PTPRK: variants seen among roughly 807,000 people sequenced by gnomAD.
PTPRK encodes protein tyrosine phosphatase receptor type K.
A neutral mutation model predicts 178.0 loss-of-function variants in PTPRK; 75 were observed. That is an observed-to-expected ratio of 0.42 (90% CI 0.35 to 0.51). The LOEUF (loss-of-function observed/expected upper bound fraction) is 0.51, where lower values mean the gene tolerates loss of function less well. Among genes scored for constraint, PTPRK ranks in the 20% least tolerant of loss-of-function variants. The pLI is 0.02. For synonymous variants in PTPRK, 637 were observed against 620.6 expected (o/e 1.03, Z -0.39); for missense variants, 1,441 against 1,797.8 (o/e 0.80, Z 3.59).
At chr6:128,042,771 C>T (rs1562483850) in intron 13 of PTPRK, among the ~76,000 whole-genome samples, 1 of 151,948 alleles carries the variant, frequency 6.6e-6, no homozygotes, top group Non-Finnish European at 1.5e-5. Context: ...AGGCCCCAAC[C>T]AAGAATTATC....
At chr6:128,435,553 G>A (rs184946978) in intron 1 of PTPRK, among the ~76,000 whole-genome samples, 3 of 152,234 alleles carry the variant, frequency 2.0e-5, no homozygotes, top group East Asian at 1.9e-4. Flanking sequence ...ACCAAGAGTC[G>A]CACAGAACAA....
chr6:128,220,407 C>T (rs1260616779), intron 5 of PTPRK, among the ~76,000 whole-genome samples: 3 of 152,182 alleles, frequency 2.0e-5, no homozygotes, highest in East Asian at 3.8e-4. Flanking sequence ...AGAAAACCCA[C>T]AACGCTGAGA....
At chr6:128,207,692 C>T (rs1273116350) in intron 6 of PTPRK, among the ~76,000 whole-genome samples, 1 of 152,040 alleles carries the variant, frequency 6.6e-6, no homozygotes, top group Non-Finnish European at 1.5e-5. Flanking sequence ...CTTAAGGTAT[C>T]TAATATGTTG....
At chr6:128,277,364 A>G (rs190103507) in intron 3 of PTPRK, among the ~76,000 whole-genome samples, 7 of 152,306 alleles carry the variant, frequency 4.6e-5, no homozygotes, top group Admixed American at 4.6e-4. Context: ...TGTTAGATTG[A>G]GATAAAATAC....
chr6:128,327,429 G>A (rs143597729), intron 2 of PTPRK, among the ~76,000 whole-genome samples: 5 of 152,204 alleles, frequency 3.3e-5, no homozygotes, highest in African/African-American at 1.2e-4. Context: ...AACTTTCCAT[G>A]ATCTTATCCC....
chr6:128,308,394 G>T (rs1339752818), intron 3 of PTPRK, among the ~76,000 whole-genome samples: 2 of 151,450 alleles, frequency 1.3e-5, no homozygotes, highest in Admixed American at 1.3e-4. Flanking sequence ...TTCCTGATTA[G>T]TCATGTATAA....
chr6:128,440,391 C>T (rs1045174281), intron 1 of PTPRK, among the ~76,000 whole-genome samples: 1 of 152,158 alleles, frequency 6.6e-6, no homozygotes, highest in Admixed American at 6.6e-5. Context: ...AAAACTCTTT[C>T]CCCCGATTTC....
At chr6:128,226,779 T>TATAC (rs1445573655) in intron 5 of PTPRK, among the ~76,000 whole-genome samples, 1 of 140,612 alleles carries the variant, frequency 7.1e-6, no homozygotes, top group Non-Finnish European at 1.5e-5. Context: ...TATATATATA[T>TATAC]ATATATATAT....
chr6:128,171,002 C>T (rs967656519), intron 7 of PTPRK, among the ~76,000 whole-genome samples: 19 of 151,822 alleles, frequency 1.3e-4, no homozygotes, highest in African/African-American at 4.1e-4. Flanking sequence ...TTACACATTT[C>T]CATGAAAAGC....
chr6:128,198,884 T>A (rs1296967938), intron 6 of PTPRK, among the ~76,000 whole-genome samples: 2 of 152,220 alleles, frequency 1.3e-5, no homozygotes, highest in Non-Finnish European at 2.9e-5. Flanking sequence ...CATTTATGTC[T>A]TCAGTGCAAT....
intron 13 of PTPRK, among the ~76,000 whole-genome samples, chr6:128,021,276 C>A (rs1484186243): frequency 2.0e-5 from 3 of 152,158 alleles, no homozygotes; most frequent in African/African-American, 7.2e-5. Flanking sequence ...TTGTCCAATT[C>A]TAGATAATCA....
At chr6:128,228,490 C>CAAAAAAAAAAAA (rs1173094515) in intron 5 of PTPRK, among the ~76,000 whole-genome samples, 1 of 74,988 alleles carries the variant, frequency 1.3e-5, no homozygotes, top group African/African-American at 4.2e-5. Context: ...ACTAAAAATA[C>CAAAAAAAAAAAA]AAAAAAAAAA....
intron 7 of PTPRK, among the ~76,000 whole-genome samples, chr6:128,150,207 A>C (rs1318635360): frequency 6.6e-6 from 1 of 152,138 alleles, no homozygotes; most frequent in Non-Finnish European, 1.5e-5. Context: ...GGGTGGGGTC[A>C]CAGATCTATA....
intron 2 of PTPRK, among the ~76,000 whole-genome samples, chr6:128,358,689 G>C (rs1258058476): frequency 6.6e-6 from 1 of 152,168 alleles, no homozygotes; most frequent in East Asian, 1.9e-4. Context: ...TAAGTCTGCT[G>C]TTTCAAAGCA....
At chr6:128,494,264 T>C (rs1437282388) in intron 1 of PTPRK, among the ~76,000 whole-genome samples, 1 of 151,900 alleles carries the variant, frequency 6.6e-6, no homozygotes, top group African/African-American at 2.4e-5. Flanking sequence ...ATTTTAATTG[T>C]TTCGATAAGA....
intron 7 of PTPRK, among the ~76,000 whole-genome samples, chr6:128,098,441 A>G (rs1788250831): frequency 1.3e-5 from 2 of 152,132 alleles, no homozygotes; most frequent in Non-Finnish European, 2.9e-5. Context: ...TACCTCTTCT[A>G]GAATATGAGA....
chr6:128,100,295 T>C (rs1788574036), intron 7 of PTPRK, among the ~76,000 whole-genome samples: 2 of 152,046 alleles, frequency 1.3e-5, no homozygotes, highest in Non-Finnish European at 2.9e-5. Flanking sequence ...GGAAGAGTCA[T>C]GATCTTTTTT....
intron 7 of PTPRK, among the ~76,000 whole-genome samples, chr6:128,145,191 AT>A (rs1796300232): frequency 6.6e-6 from 1 of 152,122 alleles, no homozygotes; most frequent in East Asian, 1.9e-4. Context: ...CTAGAGGTGA[AT>A]TTGTAATACT....
intron 2 of PTPRK, among the ~76,000 whole-genome samples, chr6:128,349,667 G>A (rs1832865212): frequency 6.6e-6 from 1 of 151,990 alleles, no homozygotes; most frequent in South Asian, 2.1e-4. Context: ...AAATCATTGT[G>A]TCATAGGCTT....
Sources: allele counts gnomAD v4.1 joint callset (sites outside exome capture counted in the v4.1 genomes callset), GRCh38; gene constraint gnomAD v4.1.1; transcripts MANE v1.5; gene names NCBI Gene and HGNC (gene_info 2026-07-23, HGNC 2026-07-21).